The following DIAPH2 variants were observed in gnomAD, a reference collection of about 807,000 sequenced individuals.
DIAPH2 encodes the protein protein diaphanous homolog 2.
In DIAPH2, 35 loss-of-function variants were observed where a neutral mutation model predicts 92.7. The ratio of observed to expected loss-of-function variants is 0.38; its 90% CI spans 0.29 to 0.50. DIAPH2 has a LOEUF of 0.50. Ranked by LOEUF, DIAPH2 falls within the 20% of genes least tolerant of loss-of-function variation. DIAPH2 has a pLI of 0.94. For missense variants in DIAPH2, 701 were observed against 819.5 expected, an observed-to-expected ratio of 0.86 and a Z score of 1.77; for synonymous variants, 301 against 280.4, an observed-to-expected ratio of 1.07 and a Z score of -0.73.
chrX:97,200,559 A>T (rs1022649310), intron 22 of DIAPH2, among the ~76,000 whole-genome samples: 1 of 110,304 alleles, frequency 9.1e-6, no homozygotes, highest in African/African-American at 3.3e-5. Context: ...ACTGGGCGGA[A>T]TTCATCACAG....
intron 9 of DIAPH2, among the ~76,000 whole-genome samples, 166 bp from the exon 10 acceptor site, chrX:96,930,566 TA>T (rs1253506168): frequency 8.9e-6 from 1 of 112,177 alleles, no homozygotes; most frequent in Non-Finnish European, 1.9e-5. Context: ...ACTTTGTCGT[TA>T]ATTTTATTGT....
chrX:97,568,901 G>A (rs2071345798), intron 26 of DIAPH2, among the ~76,000 whole-genome samples: 1 of 111,994 alleles, frequency 8.9e-6, no homozygotes, highest in Non-Finnish European at 1.9e-5. Flanking sequence ...ATCCCTAAAA[G>A]TAGGTGGCAT....
At chrX:97,462,200 G>A (rs1236414816) in intron 26 of DIAPH2, among the ~76,000 whole-genome samples, 1 of 111,526 alleles carries the variant, frequency 9.0e-6, no homozygotes, top group African/African-American at 3.3e-5. Context: ...CCTAACATTC[G>A]TTACTGTGGG....
chrX:97,450,134 T>C (rs996069977), intron 26 of DIAPH2, among the ~76,000 whole-genome samples: 5 of 111,662 alleles, frequency 4.5e-5, no homozygotes, highest in African/African-American at 1.6e-4. Context: ...TGGAAATAAA[T>C]AGTGGCTATT....
intron 24 of DIAPH2, among the ~76,000 whole-genome samples, chrX:97,368,947 C>T (rs1406072299): frequency 1.4e-5 from 1 of 69,658 alleles, no homozygotes; most frequent in Non-Finnish European, 2.5e-5. Flanking sequence ...CTCTTGTTGC[C>T]CAGACTGGAG....
At chrX:96,710,429 T>C (rs1285549441) in intron 1 of DIAPH2, among the ~76,000 whole-genome samples, 2 of 112,218 alleles carry the variant, frequency 1.8e-5, no homozygotes. Flanking sequence ...TTAGAATTTA[T>C]ATGCAGAAGG....
rs748373020 is a variant in DIAPH2 at position 97,019,726 on chromosome X, A to C, written c.2051-53215A>C. Among the ~76,000 whole-genome samples the C allele has an allele frequency of 1.8e-3, 196 of 111,537 alleles. 1 individual carries two copies. The highest frequency in any genetic ancestry group is 2.9e-3 in the Non-Finnish European group (156 of 53,087). ...AATTTAAAACAAGATTTTGCCTCTG[A>C]ATATGTAATAGGCATTAATAGATTT... On this transcript the variant is annotated intron_variant, in intron 17 of 26. Transcript: ENST00000324765.
In DIAPH2 at chrX:97,017,088, G is replaced by A. The variant is rs192367930; in HGVS notation, c.2050+51881G>A. Among the ~76,000 whole-genome samples, 585 of 111,364 alleles carry A rather than the reference G, an allele frequency of 5.3e-3. 6 individuals are homozygous for A. Among genetic ancestry groups the A allele is most frequent in the African/African-American group, 0.018 (552 of 30,643 alleles). ...TGGAGCTGCCTGAAGAAAATTGCAG[G>A]AATTTTTTAGGCACATCTACTGGAA... On this transcript the variant is annotated intron_variant, in intron 17 of 26. Transcript: ENST00000324765.
At chrX:97,531,577 A>G (rs1378382093) in intron 26 of DIAPH2, among the ~76,000 whole-genome samples, 1 of 112,432 alleles carries the variant, frequency 8.9e-6, no homozygotes, top group Admixed American at 9.4e-5. Context: ...GCTTATATAC[A>G]TACTAATGTT....
At chrX:97,279,633 C>CT (rs2068481027) in intron 23 of DIAPH2, among the ~76,000 whole-genome samples, 2 of 110,956 alleles carry the variant, frequency 1.8e-5, no homozygotes, top group South Asian at 7.6e-4. Flanking sequence ...GTCTCTGTTT[C>CT]TAAAACATGA....
intron 26 of DIAPH2, among the ~76,000 whole-genome samples, chrX:97,525,928 CTTAT>C (rs945470517): frequency 8.9e-6 from 1 of 112,059 alleles, no homozygotes; most frequent in African/African-American, 3.2e-5. Context: ...TTGCCTGTGG[CTTAT>C]TTGTCATATG....
intron 26 of DIAPH2, among the ~76,000 whole-genome samples, chrX:97,567,753 T>C (rs1365423124): frequency 9.0e-6 from 1 of 111,481 alleles, no homozygotes; most frequent in African/African-American, 3.3e-5. Context: ...ATAAAATAAA[T>C]TTGTAGGAAG....
At chrX:97,064,090 T>C (rs1039037439) in intron 17 of DIAPH2, among the ~76,000 whole-genome samples, 2 of 112,286 alleles carry the variant, frequency 1.8e-5, no homozygotes, top group Non-Finnish European at 3.8e-5. Flanking sequence ...GCCATTTCTT[T>C]CTCACAACAT....
chrX:97,003,311 T>TAA (rs2066157570), intron 17 of DIAPH2, among the ~76,000 whole-genome samples: 1 of 112,183 alleles, frequency 8.9e-6, no homozygotes, highest in African/African-American at 3.2e-5. Flanking sequence ...CTTTTGGGCA[T>TAA]ATACCCAGCA....
At chrX:97,484,261 A>G (rs960314564) in intron 26 of DIAPH2, among the ~76,000 whole-genome samples, 1 of 111,561 alleles carries the variant, frequency 9.0e-6, no homozygotes, top group African/African-American at 3.3e-5. Flanking sequence ...AATTACATCA[A>G]CTGGAATCTA....
intron 4 of DIAPH2, among the ~76,000 whole-genome samples, chrX:96,865,095 C>A (rs1277113273): frequency 8.9e-6 from 1 of 111,781 alleles, no homozygotes; most frequent in African/African-American, 3.2e-5. Flanking sequence ...GAACCTAACC[C>A]CTTAGTGAAG....
At chrX:96,754,923 C>CAAAA (rs1007573600) in intron 3 of DIAPH2, among the ~76,000 whole-genome samples, 556 of 15,995 alleles carry the variant, frequency 0.035, 32 homozygotes, top group Middle Eastern at 0.077. Context: ...GTCTCCACCT[C>CAAAA]AAAAAAAAAA....
intron 17 of DIAPH2, among the ~76,000 whole-genome samples, chrX:97,061,258 C>G (rs2147902156): frequency 8.9e-6 from 1 of 111,885 alleles, no homozygotes. Context: ...ATCTGTTGCT[C>G]TAAGGCCCAC....
intron 23 of DIAPH2, among the ~76,000 whole-genome samples, chrX:97,262,656 GA>G (rs2068298360): frequency 8.9e-6 from 1 of 111,813 alleles, no homozygotes; most frequent in Admixed American, 9.6e-5. Context: ...GGAAGTTTGA[GA>G]CGCCTATTAG....
Sources: allele counts gnomAD v4.1 joint callset (sites outside exome capture counted in the v4.1 genomes callset), GRCh38; gene constraint gnomAD v4.1.1; transcripts MANE v1.5; gene names NCBI Gene and HGNC (gene_info 2026-07-23, HGNC 2026-07-21).